PTPRD: variants seen among roughly 807,000 people sequenced by gnomAD.
The protein encoded by PTPRD is receptor-type tyrosine-protein phosphatase delta.
Under a neutral mutation model 214.5 loss-of-function variants are expected in PTPRD, and 34 were observed. That is an observed-to-expected ratio of 0.16 (90% CI 0.12 to 0.21). The LOEUF (loss-of-function observed/expected upper bound fraction) is 0.21, where lower values mean the gene tolerates loss of function less well. Ranked by LOEUF, PTPRD falls within the 10% of genes least tolerant of loss-of-function variation. The probability of loss-of-function intolerance (pLI) is 1.00; values close to 1 mark genes in which losing one functional copy is unlikely to be tolerated. For missense variants in PTPRD, 2,545 were observed against 2,398.7 expected (o/e 1.06, Z -1.27); for synonymous variants, 1,128 against 845.7 (o/e 1.33, Z -5.79).
intron 5 of PTPRD, among the ~76,000 whole-genome samples, chr9:9,795,181 C>G (rs575493093): frequency 6.6e-6 from 1 of 152,210 alleles, no homozygotes; most frequent in Non-Finnish European, 1.5e-5. Flanking sequence ...CACACTTTTG[C>G]TCCTGTCCTA....
rs2096991909 is a variant in PTPRD at position 8,485,859 on chromosome 9, T to C, written c.2958A>G (p.Pro986=). ...GTACTTTTACATCGTATGTGGTATC[T>C]GGTTTTAAGCCAGTGAGTGTCATAG... ...DTTMTLTGLK[P]DTTYDVKVRA... Residue 986 remains proline, a synonymous_variant, in exon 28 of 46, where the codon CCA becomes CCG. Transcript: ENST00000381196. The C allele has an allele frequency of 1.9e-6, 3 of 1,614,196 alleles. No homozygotes were observed. The highest frequency in any genetic ancestry group is 2.2e-5 in the South Asian group (2 of 91,084).
intron 35 of PTPRD, among the ~76,000 whole-genome samples, chr9:8,422,968 A>G (rs1203687719): frequency 6.6e-6 from 1 of 152,166 alleles, no homozygotes; most frequent in Non-Finnish European, 1.5e-5. Flanking sequence ...CTTCTCAATC[A>G]CTGCAGCCAC....
chr9:8,418,722 T>C (rs1273431322), intron 35 of PTPRD, among the ~76,000 whole-genome samples: 1 of 152,126 alleles, frequency 6.6e-6, no homozygotes, highest in South Asian at 2.1e-4. Context: ...TCTTCGAGTA[T>C]GTTCTATCAA....
intron 10 of PTPRD, among the ~76,000 whole-genome samples, chr9:9,139,542 C>G (rs1456547525): frequency 6.6e-6 from 1 of 151,894 alleles, no homozygotes; most frequent in African/African-American, 2.4e-5. Flanking sequence ...TCTGTGATAC[C>G]GCGACAGTCG....
At chr9:9,516,760 T>C (rs1204580985) in intron 8 of PTPRD, among the ~76,000 whole-genome samples, 1 of 148,246 alleles carries the variant, frequency 6.7e-6, no homozygotes, top group African/African-American at 2.4e-5. Flanking sequence ...GTGGTCTCAA[T>C]CTCTTGACCT....
intron 9 of PTPRD, among the ~76,000 whole-genome samples, chr9:9,348,669 C>T (rs1403426371): frequency 6.6e-6 from 1 of 152,056 alleles, no homozygotes; most frequent in Non-Finnish European, 1.5e-5. Context: ...CTAGTAAGTC[C>T]AGATTCCAGC....
chr9:9,992,169 C>A (rs2095959943), intron 4 of PTPRD, among the ~76,000 whole-genome samples: 2 of 151,996 alleles, frequency 1.3e-5, no homozygotes, highest in Non-Finnish European at 1.5e-5. Flanking sequence ...GAGATAGTGA[C>A]AATGGTTGCA....
chr9:10,165,359 C>T (rs139847878), intron 3 of PTPRD, among the ~76,000 whole-genome samples: 20 of 151,806 alleles, frequency 1.3e-4, no homozygotes, highest in African/African-American at 4.8e-4. Context: ...CATGAAGCCA[C>T]AGCTAAGAAT....
intron 4 of PTPRD, among the ~76,000 whole-genome samples, chr9:9,959,928 A>G (rs943277206): frequency 6.6e-6 from 1 of 152,164 alleles, no homozygotes; most frequent in Non-Finnish European, 1.5e-5. Flanking sequence ...TTTTAGAGAG[A>G]TATGTCTATA....
chr9:9,550,101 C>T (rs975013525), intron 8 of PTPRD, among the ~76,000 whole-genome samples: 1 of 151,716 alleles, frequency 6.6e-6, no homozygotes. Context: ...AGCAGATTAC[C>T]CCCCATAACA....
intron 8 of PTPRD, among the ~76,000 whole-genome samples, chr9:9,559,747 GT>G (rs1401059102): frequency 3.9e-5 from 6 of 152,192 alleles, no homozygotes; most frequent in African/African-American, 1.4e-4. Context: ...TTCCAGTTCT[GT>G]TGTCAAGTGG....
intron 11 of PTPRD, among the ~76,000 whole-genome samples, chr9:8,780,407 G>C (rs2095648927): frequency 6.6e-6 from 1 of 152,134 alleles, no homozygotes; most frequent in Non-Finnish European, 1.5e-5. Flanking sequence ...CCAAGAATTT[G>C]AACTTTGTTA....
intron 8 of PTPRD, among the ~76,000 whole-genome samples, chr9:9,450,950 T>TACACACACAC (rs145703989): frequency 0.075 from 10,224 of 136,358 alleles, 464 homozygotes; most frequent in East Asian, 0.17. Flanking sequence ...CATACATACA[T>TACACACACAC]ACACACACAC....
chr9:8,703,684 G>T (rs1233846489), intron 12 of PTPRD, among the ~76,000 whole-genome samples: 2 of 152,092 alleles, frequency 1.3e-5, no homozygotes, highest in African/African-American at 4.8e-5. Flanking sequence ...GAACCCTACG[G>T]CATTGTTATT....
At chr9:8,854,112 T>G (rs928390183) in intron 11 of PTPRD, among the ~76,000 whole-genome samples, 1 of 151,400 alleles carries the variant, frequency 6.6e-6, no homozygotes, top group Non-Finnish European at 1.5e-5. Context: ...TTGAGTACAC[T>G]ACATAAAACG....
Position 9,247,211 on chromosome 9 carries a change from A to G in PTPRD, c.-202-63848T>C, listed in dbSNP as rs181235701. 1.1e-4 allele frequency among the ~76,000 whole-genome samples: 17 copies of G among 152,050 alleles called. No individual in the cohort carries two copies. In the East Asian group the frequency reaches 2.5e-3, roughly 23 times the overall value. ...CATTCCAGAAGGGGTCCTTCCCTATACCTGGGAAGAAGGAAGGCCATACAG... is the reference window on the plus strand; with the variant it reads ...CATTCCAGAAGGGGTCCTTCCCTATGCCTGGGAAGAAGGAAGGCCATACAG... On this transcript the variant is annotated intron_variant, in intron 9 of 45. Transcript: ENST00000381196.
At chr9:9,891,944 T>C (rs542931240) in intron 5 of PTPRD, among the ~76,000 whole-genome samples, 2 of 152,144 alleles carry the variant, frequency 1.3e-5, no homozygotes, top group Non-Finnish European at 2.9e-5. Context: ...TATTTTACTA[T>C]TTATCACCAT....
intron 12 of PTPRD, among the ~76,000 whole-genome samples, chr9:8,688,393 C>T (rs970587902): frequency 1.3e-5 from 2 of 151,838 alleles, no homozygotes; most frequent in Admixed American, 1.3e-4. Flanking sequence ...GGTGAAACCC[C>T]GTCTCTACTA....
At chr9:8,644,988 A>T (rs2096656780) in intron 12 of PTPRD, among the ~76,000 whole-genome samples, 1 of 152,252 alleles carries the variant, frequency 6.6e-6, no homozygotes, top group Non-Finnish European at 1.5e-5. Context: ...AACACCCCAA[A>T]GATCTTGTAA....
Sources: allele counts gnomAD v4.1 joint callset (sites outside exome capture counted in the v4.1 genomes callset), GRCh38; gene constraint gnomAD v4.1.1; transcripts MANE v1.5; gene names NCBI Gene and HGNC (gene_info 2026-07-23, HGNC 2026-07-21).